Variants in KIF13B observed in about 807,000 individuals in gnomAD.
KIF13B encodes the protein kinesin family member 13B.
A neutral mutation model predicts 222.0 loss-of-function variants in KIF13B; 127 were observed. The observed-to-expected ratio is 0.57, with a 90% CI of 0.50 to 0.66. The LOEUF (loss-of-function observed/expected upper bound fraction) is 0.66, where lower values mean the gene tolerates loss of function less well. KIF13B is among the 30% of genes least tolerant of loss of function. The pLI, the probability that KIF13B is intolerant of heterozygous loss-of-function variation, is 0.00. For synonymous variants in KIF13B, 976 were observed against 919.0 expected, an observed-to-expected ratio of 1.06 and a Z score of -1.12; for missense variants, 2,173 against 2,379.0, an observed-to-expected ratio of 0.91 and a Z score of 1.80.
At chr8:29,080,603 A>G (rs1178828523) in intron 37 of KIF13B, among the ~76,000 whole-genome samples, 1 of 152,224 alleles carries the variant, frequency 6.6e-6, no homozygotes, top group Non-Finnish European at 1.5e-5. Flanking sequence ...TAACGGCACC[A>G]GCACTTTTGT....
At chr8:29,199,858 T>C (rs1347262998) in intron 2 of KIF13B, among the ~76,000 whole-genome samples, 1 of 152,252 alleles carries the variant, frequency 6.6e-6, no homozygotes, top group Non-Finnish European at 1.5e-5. Flanking sequence ...GTGCTTATGC[T>C]AGAGTACATT....
In KIF13B at chr8:29,133,782, C is replaced by T. The variant is rs534511242; in HGVS notation, c.2784+258G>A. Among the ~76,000 whole-genome samples, 417 of 152,252 alleles carry T rather than the reference C, an allele frequency of 2.7e-3. 2 individuals are homozygous for T. The highest frequency in any genetic ancestry group is 9.5e-3 in the South Asian group (46 of 4,826). ...CTGTTTTAGATAATTTCTTCAGTAA[C>T]CTAATATAGGACATAGATTTTCTTT... is the stretch of plus-strand genomic sequence containing the variant. On this transcript the variant is annotated intron_variant, in intron 22 of 39. Coordinates refer to ENST00000524189, the MANE Select transcript of KIF13B (RefSeq NM_015254.4).
chr8:29,246,754 T>C (rs1039273796), intron 1 of KIF13B, among the ~76,000 whole-genome samples: 4 of 152,214 alleles, frequency 2.6e-5, no homozygotes, highest in Non-Finnish European at 4.4e-5. Context: ...GAAAGACATA[T>C]ATAAATCGAT....
At chr8:29,105,480 T>G (rs1043861614) in intron 35 of KIF13B, among the ~76,000 whole-genome samples, 3 of 152,108 alleles carry the variant, frequency 2.0e-5, no homozygotes, top group African/African-American at 7.2e-5. Flanking sequence ...GTGAAGCCAG[T>G]GGGGGGTCCA....
chr8:29,123,312 G>C, intron 28 of KIF13B, 54 bp downstream of exon 28: 1 of 1,591,634 alleles, frequency 6.3e-7, no homozygotes, highest in Non-Finnish European at 8.6e-7. Context: ...CAAGCTAAAA[G>C]CAAGTGGCTT....
intron 2 of KIF13B, among the ~76,000 whole-genome samples, chr8:29,211,021 G>A (rs547696101): frequency 4.8e-4 from 73 of 152,284 alleles, no homozygotes; most frequent in Non-Finnish European, 9.7e-4. Flanking sequence ...ACAATGGCCC[G>A]GCAGAAAAGG....
At chr8:29,154,527 G>A (rs1811431694) in intron 14 of KIF13B, among the ~76,000 whole-genome samples, 1 of 152,200 alleles carries the variant, frequency 6.6e-6, no homozygotes, top group East Asian at 1.9e-4. Context: ...GTCAGAAAGT[G>A]GGAGTAATCG....
At chr8:29,176,293 T>A in intron 9 of KIF13B, 114 bp from the exon 10 acceptor site, 1 of 649,980 alleles carries the variant, frequency 1.5e-6, no homozygotes, top group Non-Finnish European at 2.7e-6. Flanking sequence ...AGCAGCACCC[T>A]GTCAGCATTT....
chr8:29,195,950 G>A (rs1486684226), intron 3 of KIF13B, among the ~76,000 whole-genome samples: 1 of 152,244 alleles, frequency 6.6e-6, no homozygotes, highest in African/African-American at 2.4e-5. Context: ...AGGAATCTGT[G>A]TTGTAGCTGC....
chr8:29,121,892 C>T (rs1478420544), intron 29 of KIF13B, among the ~76,000 whole-genome samples: 6 of 152,102 alleles, frequency 3.9e-5, no homozygotes, highest in Admixed American at 3.3e-4. Flanking sequence ...GAAAACACCA[C>T]AAGAAGGAAA....
intron 2 of KIF13B, among the ~76,000 whole-genome samples, chr8:29,239,699 A>G (rs1159490242): frequency 6.6e-6 from 1 of 152,182 alleles, no homozygotes; most frequent in East Asian, 1.9e-4. Flanking sequence ...GTCTTACTCT[A>G]TCGCCCAAGT....
At chr8:29,149,858 C>A (rs73224672) in intron 15 of KIF13B, among the ~76,000 whole-genome samples, 1 of 152,036 alleles carries the variant, frequency 6.6e-6, no homozygotes, top group East Asian at 1.9e-4. Context: ...ATCTGTCTAA[C>A]CCATTACAGT....
At chr8:29,195,779 T>C (rs1355543524) in intron 3 of KIF13B, among the ~76,000 whole-genome samples, 1 of 152,152 alleles carries the variant, frequency 6.6e-6, no homozygotes, top group Admixed American at 6.5e-5. Context: ...TTGACCGCAG[T>C]TTGGAACTAC....
intron 21 of KIF13B, among the ~76,000 whole-genome samples, chr8:29,136,912 G>C (rs1810586569): frequency 6.8e-6 from 1 of 146,938 alleles, no homozygotes; most frequent in Non-Finnish European, 1.5e-5. Flanking sequence ...CCATTCTCCT[G>C]CCTCAGCCTC....
intron 2 of KIF13B, among the ~76,000 whole-genome samples, chr8:29,226,524 C>T (rs1815033503): frequency 6.6e-6 from 1 of 152,144 alleles, no homozygotes. Context: ...TGGGTGTCCG[C>T]TCCCCAGACA....
chr8:29,260,917 C>T (rs1432114254), intron 1 of KIF13B, among the ~76,000 whole-genome samples: 1 of 152,196 alleles, frequency 6.6e-6, no homozygotes. Flanking sequence ...CGTGCCTGGC[C>T]TGTTTTAGTC....
intron 34 of KIF13B, 83 bp from the exon 35 acceptor site, chr8:29,108,275 AGTCAACCGAAC>A: frequency 1.5e-6 from 2 of 1,341,936 alleles, no homozygotes; most frequent in Non-Finnish European, 2.1e-6. Flanking sequence ...TTGCCAACCC[AGTCAACCGAAC>A]GTCAAAGTTG....
Position 29,118,124 on chromosome 8 carries a change from CTCCAGCCTGGGCAACAGAG to C in KIF13B, c.3660+725_3660+743del, listed in dbSNP as rs1274697356. On this transcript the variant is annotated intron_variant, in intron 30 of 39. Transcript: ENST00000524189. ...AGTGAGCTGAGATCGCACCATTGCG[CTCCAGCCTGGGCAACAGAG>C]CAAGACTCCATCTCAATAAAAAAAA... Among the ~76,000 whole-genome samples the C allele has an allele frequency of 2.0e-5, 3 of 151,852 alleles. No individual in the cohort carries two copies. In the East Asian group the frequency reaches 5.8e-4, roughly 29 times the overall value.
intron 1 of KIF13B, chr8:29,249,836 C>T: frequency 6.1e-6 from 2 of 330,152 alleles, no homozygotes; most frequent in Non-Finnish European, 1.2e-5. Context: ...AAACACAAAC[C>T]CAAAAAAGGC....
Sources: allele counts gnomAD v4.1 joint callset (sites outside exome capture counted in the v4.1 genomes callset), GRCh38; gene constraint gnomAD v4.1.1; transcripts MANE v1.5; gene names NCBI Gene and HGNC (gene_info 2026-07-23, HGNC 2026-07-21).